Variants in EPB41L5 observed in about 807,000 individuals in gnomAD.
The protein encoded by EPB41L5 is erythrocyte membrane protein band 4.1 like 5.
A neutral mutation model predicts 106.6 loss-of-function variants in EPB41L5; 55 were observed. The observed-to-expected ratio is 0.52, with a 90% CI of 0.42 to 0.65. The LOEUF is 0.65. Ranked by LOEUF, EPB41L5 falls within the 30% of genes least tolerant of loss-of-function variation. The probability of loss-of-function intolerance (pLI) is 0.00; values close to 1 mark genes in which losing one functional copy is unlikely to be tolerated. For synonymous variants in EPB41L5, 297 were observed against 306.7 expected (o/e 0.97, Z 0.33); for missense variants, 871 against 882.1 (o/e 0.99, Z 0.16).
At chr2:120,040,695 A>G (rs1679350198) in intron 2 of EPB41L5, among the ~76,000 whole-genome samples, 1 of 152,246 alleles carries the variant, frequency 6.6e-6, no homozygotes, top group Admixed American at 6.5e-5. Flanking sequence ...CTAAGAATAA[A>G]AAAGAATAAA....
intron 22 of EPB41L5, among the ~76,000 whole-genome samples, chr2:120,165,456 C>T (rs546660935): frequency 6.6e-6 from 1 of 152,296 alleles, no homozygotes; most frequent in South Asian, 2.1e-4. Context: ...CCTCTAATAT[C>T]TAATGCAGTG....
intron 18 of EPB41L5, among the ~76,000 whole-genome samples, chr2:120,137,755 G>C (rs1268502784): frequency 1.3e-5 from 2 of 152,092 alleles, no homozygotes; most frequent in Non-Finnish European, 2.9e-5. Flanking sequence ...TGGCTTCACT[G>C]CTGAATTTTA....
chr2:120,103,749 A>G (rs1684284018), intron 16 of EPB41L5, among the ~76,000 whole-genome samples: 1 of 152,178 alleles, frequency 6.6e-6, no homozygotes, highest in African/African-American at 2.4e-5. Flanking sequence ...TGCTTTTAAT[A>G]TTAGTAACAA....
chr2:120,120,431 CAAAA>C (rs35837378), intron 16 of EPB41L5, among the ~76,000 whole-genome samples: 1 of 92,846 alleles, frequency 1.1e-5, no homozygotes, highest in Non-Finnish European at 2.0e-5. Flanking sequence ...CACTCAATCT[CAAAA>C]AAAAAAAAAA....
chr2:120,135,743 T>C (rs1028672311), intron 18 of EPB41L5, among the ~76,000 whole-genome samples: 2 of 152,150 alleles, frequency 1.3e-5, no homozygotes, highest in African/African-American at 2.4e-5. Flanking sequence ...AGTATATCCA[T>C]GTTTGAAGAT....
chr2:120,159,725 A>T (rs900015588), intron 20 of EPB41L5, among the ~76,000 whole-genome samples: 3 of 152,216 alleles, frequency 2.0e-5, no homozygotes, highest in Non-Finnish European at 4.4e-5. Flanking sequence ...ATGGAACAGA[A>T]TAGAGAGCCC....
intron 16 of EPB41L5, chr2:120,104,109 A>T (rs1471793079): frequency 6.5e-7 from 1 of 1,535,636 alleles, no homozygotes; most frequent in East Asian, 2.4e-5. Flanking sequence ...CCAGTGGAAC[A>T]CAAGGGCCTT....
intron 10 of EPB41L5, among the ~76,000 whole-genome samples, chr2:120,084,013 C>G (rs959334901): frequency 1.3e-5 from 2 of 152,094 alleles, no homozygotes; most frequent in African/African-American, 4.8e-5. Context: ...TGAGATGGGT[C>G]TCCTGAATAC....
At chr2:120,080,592 G>C (rs1036318652) in intron 10 of EPB41L5, among the ~76,000 whole-genome samples, 1 of 152,160 alleles carries the variant, frequency 6.6e-6, no homozygotes, top group Non-Finnish European at 1.5e-5. Flanking sequence ...CTTTATAGCA[G>C]CATGATTTAT....
intron 5 of EPB41L5, 187 bp downstream of exon 5, chr2:120,074,365 T>G (rs1682086680): frequency 1.9e-6 from 1 of 522,128 alleles, no homozygotes; most frequent in Non-Finnish European, 3.4e-6. Flanking sequence ...TTTAGCATTT[T>G]CAAAATAAAG....
intron 12 of EPB41L5, among the ~76,000 whole-genome samples, chr2:120,090,867 C>T (rs952292724): frequency 6.6e-6 from 1 of 152,140 alleles, no homozygotes; most frequent in African/African-American, 2.4e-5. Context: ...GGATATTAGT[C>T]TGGATAACAT....
intron 16 of EPB41L5, chr2:120,104,220 A>G: frequency 6.5e-7 from 1 of 1,535,788 alleles, no homozygotes; most frequent in Non-Finnish European, 8.7e-7. Flanking sequence ...TCCTGGCCAT[A>G]CAGCCATGAC....
At chr2:120,076,558 C>T (rs1296579408) in intron 7 of EPB41L5, among the ~76,000 whole-genome samples, 3 of 149,882 alleles carry the variant, frequency 2.0e-5, no homozygotes, top group Admixed American at 6.7e-5. Flanking sequence ...CTCAGCCCTC[C>T]CAAAGTACTG....
At chr2:120,105,595 T>G in intron 16 of EPB41L5, 2 of 985,380 alleles carry the variant, frequency 2.0e-6, no homozygotes, top group Non-Finnish European at 2.4e-6. Context: ...CAGGTTTCAA[T>G]CTGAGTTTAG....
At chr2:120,109,105 C>G (rs1004276465) in intron 16 of EPB41L5, among the ~76,000 whole-genome samples, 3 of 152,098 alleles carry the variant, frequency 2.0e-5, no homozygotes, top group Non-Finnish European at 2.9e-5. Flanking sequence ...TACACAGCCA[C>G]TTATCATTAT....
chr2:120,023,028 G>A (rs1678044237), intron 2 of EPB41L5, among the ~76,000 whole-genome samples: 1 of 152,060 alleles, frequency 6.6e-6, no homozygotes, highest in Non-Finnish European at 1.5e-5. Context: ...TGATGGGGTT[G>A]TTTGTTTTTT....
At position 120,175,038 on chromosome 2, in the gene EPB41L5, T is replaced by G; in HGVS notation, c.*131T>G. 2.3e-6 allele frequency: 2 copies of G among 868,270 alleles called. No homozygotes were observed. Among genetic ancestry groups the G allele is most frequent in the South Asian group, 2.8e-5 (2 of 72,602 alleles). The allele number at this position is 868,270 out of a possible 1,614,324, so 53.8% of individuals were successfully genotyped here. On this transcript the variant is annotated 3_prime_UTR_variant, in exon 25 of 25. Transcript: ENST00000263713. Reference sequence around the variant, plus strand: ...AGCTGCACGTAGATTTGACTTCAACTCCGTAAAAAAGACAGCTGTATTTTC... The same window carrying G: ...AGCTGCACGTAGATTTGACTTCAACGCCGTAAAAAAGACAGCTGTATTTTC...
chr2:120,164,482 G>C (rs568753759), intron 21 of EPB41L5, among the ~76,000 whole-genome samples: 12 of 152,234 alleles, frequency 7.9e-5, no homozygotes, highest in African/African-American at 2.6e-4. Context: ...AGAGCGCTAG[G>C]ATTACAGGTG....
intron 16 of EPB41L5, among the ~76,000 whole-genome samples, chr2:120,124,144 A>G (rs886766260): frequency 6.6e-6 from 1 of 152,220 alleles, no homozygotes; most frequent in Non-Finnish European, 1.5e-5. Flanking sequence ...AGAGGCCATC[A>G]TAGAACCAGT....
Sources: gnomAD v4.1 joint callset for allele counts (sites outside exome capture counted in the v4.1 genomes callset) on GRCh38, gnomAD v4.1.1 for gene constraint, MANE v1.5 for transcripts, NCBI Gene and HGNC (gene_info 2026-07-23, HGNC 2026-07-21) for gene names.